SCN2A: variants seen among roughly 807,000 people sequenced by gnomAD.
SCN2A encodes sodium channel protein type 2 subunit alpha.
SCN2A carries 20 observed loss-of-function variants against 188.7 expected under a neutral mutation model. The observed-to-expected ratio is 0.11, with a 90% CI of 0.07 to 0.15. The LOEUF (loss-of-function observed/expected upper bound fraction) is 0.15, where lower values mean the gene tolerates loss of function less well. SCN2A is among the 10% of genes least tolerant of loss of function. The pLI, the probability that SCN2A is intolerant of heterozygous loss-of-function variation, is 1.00. For synonymous variants in SCN2A, 804 were observed against 833.1 expected (o/e 0.97, Z 0.60); for missense variants, 1,278 against 2,445.0 (o/e 0.52, Z 10.07).
At chr2:165,291,883 C>G (rs943146786) in intron 1 of SCN2A, among the ~76,000 whole-genome samples, 2 of 151,766 alleles carry the variant, frequency 1.3e-5, no homozygotes, top group Non-Finnish European at 2.9e-5. Flanking sequence ...ACGGCATTAC[C>G]CTGGACAGAG....
intron 1 of SCN2A, among the ~76,000 whole-genome samples, chr2:165,284,821 A>G (rs547285866): frequency 6.6e-6 from 1 of 152,332 alleles, no homozygotes; most frequent in East Asian, 1.9e-4. Flanking sequence ...CCAAACTACT[A>G]TGTAATCAGA....
chr2:165,390,688 A>C lies in SCN2A; in HGVS notation c.*864A>C, dbSNP rs1180325951. On this transcript the variant is annotated 3_prime_UTR_variant, in exon 27 of 27. Transcript: ENST00000375437. ...CACAGAGATATACACATACCATTAC[A>C]TTGTCATTCACAGTCCCAGCAGCAT... 6.6e-6 allele frequency: 1 copy of C among 152,422 alleles called. No individual in the cohort carries two copies. The highest frequency in any genetic ancestry group is 6.6e-5 in the Admixed American group (1 of 15,238). The allele number at this position is 152,422 out of a possible 1,614,324, so 9.4% of individuals were successfully genotyped here. A position where few individuals can be genotyped will look rare whatever the true frequency, so the allele number is the denominator to read the frequency against.
chr2:165,378,764 C>A (rs1432545), intron 23 of SCN2A, among the ~76,000 whole-genome samples: 1 of 151,494 alleles, frequency 6.6e-6, no homozygotes, highest in Admixed American at 6.6e-5. Context: ...AGACCTTTTC[C>A]GCTGCAAAAC....
At chr2:165,239,898 G>A (rs1373091498) in intron 1 of SCN2A, 1 of 152,238 alleles carries the variant, frequency 6.6e-6, no homozygotes, top group African/African-American at 2.4e-5. Flanking sequence ...CCTTTTAAAG[G>A]TAAAGCTTTC....
chr2:165,348,415 G>A (rs1050452316), intron 16 of SCN2A, among the ~76,000 whole-genome samples: 1 of 150,954 alleles, frequency 6.6e-6, no homozygotes, highest in Admixed American at 6.6e-5. Flanking sequence ...TCATATAAAG[G>A]TAACCTCCAA....
chr2:165,370,026 T>C, intron 19 of SCN2A, 100 bp from the exon 20 acceptor site: 5 of 1,008,336 alleles, frequency 5.0e-6, no homozygotes, highest in African/African-American at 3.3e-5. Context: ...CTTCCAGCCT[T>C]AGGCACCTGA....
At chr2:165,334,486 A>AAATATATACAT (rs1698876263) in intron 14 of SCN2A, among the ~76,000 whole-genome samples, 1 of 151,856 alleles carries the variant, frequency 6.6e-6, no homozygotes, top group Non-Finnish European at 1.5e-5. Flanking sequence ...GACCAGCATA[A>AAATATATACAT]AAAATTAATG....
intron 8 of SCN2A, 83 bp downstream of exon 8, chr2:165,312,171 A>C: frequency 4.1e-6 from 4 of 976,708 alleles, no homozygotes. Flanking sequence ...ATCCAGTCCC[A>C]CTCACTCCTC....
rs1186719453 is a variant in SCN2A at position 165,373,210 on chromosome 2, G to A, written c.3850-15G>A. On this transcript the variant is annotated splice_polypyrimidine_tract_variant and intron_variant, in intron 20 of 26. Coordinates refer to ENST00000375437, the MANE Select transcript of SCN2A (RefSeq NM_001040142.2). ...TATATGTAAATAAGAAAATTGTGTT[G>A]CTTTTTCTGTATAGGTCTCACTGGT... The A allele has an allele frequency of 6.2e-7, 1 of 1,612,608 alleles. No homozygotes were observed. The highest frequency in any genetic ancestry group is 8.5e-7 in the Non-Finnish European group (1 of 1,178,826).
intron 25 of SCN2A, among the ~76,000 whole-genome samples, chr2:165,383,243 G>A (rs1416224206): frequency 6.6e-6 from 1 of 152,060 alleles, no homozygotes; most frequent in Admixed American, 6.6e-5. Flanking sequence ...TGATTAGGGG[G>A]AAGGGGCTGA....
At chr2:165,381,283 G>T (rs1701589545) in intron 25 of SCN2A, 86 bp downstream of exon 25, 11 of 1,018,132 alleles carry the variant, frequency 1.1e-5, no homozygotes, top group Non-Finnish European at 1.6e-5. Context: ...AGTTATTTTT[G>T]TGGATTTGTA....
chr2:165,261,943 A>G (rs1694613630), intron 1 of SCN2A, among the ~76,000 whole-genome samples: 1 of 152,210 alleles, frequency 6.6e-6, no homozygotes, highest in Non-Finnish European at 1.5e-5. Flanking sequence ...TAAGCTGATA[A>G]TTACTGAAAA....
At chr2:165,263,817 C>T (rs1056490106) in intron 1 of SCN2A, among the ~76,000 whole-genome samples, 1 of 151,392 alleles carries the variant, frequency 6.6e-6, no homozygotes, top group African/African-American at 2.4e-5. Context: ...TGATTTCTTT[C>T]AGCAGTGTTT....
intron 19 of SCN2A, among the ~76,000 whole-genome samples, chr2:165,368,034 C>A (rs1700821161): frequency 6.6e-6 from 1 of 152,128 alleles, no homozygotes; most frequent in African/African-American, 2.4e-5. Context: ...TTGTGGTACC[C>A]AAGTTCATGT....
intron 1 of SCN2A, among the ~76,000 whole-genome samples, chr2:165,265,491 A>ATATATATATATATATATATATATATT (rs1694811728): frequency 2.6e-5 from 3 of 117,558 alleles, no homozygotes; most frequent in African/African-American, 9.4e-5. Context: ...ATATATATAT[A>ATATATATATATATATATATATATATT]TATATATATA....
chr2:165,310,845 C>T (rs1235156803), intron 7 of SCN2A: 4 of 222,576 alleles, frequency 1.8e-5, no homozygotes, highest in Non-Finnish European at 3.5e-5. Context: ...CATATTATGC[C>T]ATATTAAAAA....
Position 165,326,950 on chromosome 2 carries a change from G to T in SCN2A, c.2115G>T (p.Met705Ile), listed in dbSNP as rs752553703. ...ATCCTACATCAAGGCAAAGAGCAAT[G>T]AGTATAGCCAGTATTTTGACCAACA... is the stretch of plus-strand genomic sequence containing the variant. The part of the protein sequence containing the change: ...LEDPTSRQRA[M>I]SIASILTNTM... Residue 705 changes from methionine to isoleucine, a missense_variant, in exon 13 of 27, where the codon ATG becomes ATT. By Grantham distance (10) the Met-to-Ile change is conservative (BLOSUM62 1). Around this residue, in one of 17 missense-constraint regions of SCN2A, gnomAD observed 315 missense variants for 386.6 expected, o/e 0.81. Transcript: ENST00000375437. 3.7e-6 allele frequency: 6 copies of T among 1,614,012 alleles called. No individual in the cohort carries two copies. Among genetic ancestry groups the T allele is most frequent in the Non-Finnish European group, 4.2e-6 (5 of 1,179,930 alleles).
chr2:165,328,885 T>G (rs559950496), intron 13 of SCN2A, among the ~76,000 whole-genome samples: 1 of 152,206 alleles, frequency 6.6e-6, no homozygotes, highest in African/African-American at 2.4e-5. Context: ...AACTGACTTT[T>G]CTTTATTCAA....
At chr2:165,274,818 C>T (rs1695264489) in intron 1 of SCN2A, among the ~76,000 whole-genome samples, 1 of 152,214 alleles carries the variant, frequency 6.6e-6, no homozygotes, top group African/African-American at 2.4e-5. Flanking sequence ...TGCAGGCAGC[C>T]ATCCAGGTTT....
Sources: allele counts gnomAD v4.1 joint callset (sites outside exome capture counted in the v4.1 genomes callset), GRCh38; gene constraint gnomAD v4.1.1; regional missense constraint gnomAD v4.1.1; transcripts MANE v1.5; gene names NCBI Gene and HGNC (gene_info 2026-07-23, HGNC 2026-07-21).